COL6A1: variants seen among roughly 807,000 people sequenced by gnomAD.
COL6A1 encodes collagen alpha-1(VI) chain.
COL6A1 carries 80 observed loss-of-function variants against 145.6 expected under a neutral mutation model. The observed-to-expected ratio is 0.55, with a 90% CI of 0.46 to 0.66. The LOEUF (loss-of-function observed/expected upper bound fraction) is 0.66, where lower values mean the gene tolerates loss of function less well. COL6A1 is among the 30% of genes least tolerant of loss of function. The pLI, the probability that COL6A1 is intolerant of heterozygous loss-of-function variation, is 0.00. For synonymous variants in COL6A1, 638 were observed against 622.8 expected, an observed-to-expected ratio of 1.02 and a Z score of -0.36; for missense variants, 1,364 against 1,473.8, an observed-to-expected ratio of 0.93 and a Z score of 1.22.
chr21:45,989,418 C>A (rs1291387115), intron 9 of COL6A1, among the ~76,000 whole-genome samples, 190 bp from the exon 10 acceptor site: 1 of 152,142 alleles, frequency 6.6e-6, no homozygotes, highest in Non-Finnish European at 1.5e-5. Flanking sequence ...CTCCTTGGCC[C>A]AAATCCTATC....
At chr21:46,003,223 G>A (rs985797194) in intron 34 of COL6A1, 74 bp downstream of exon 34, 7 of 1,609,612 alleles carry the variant, frequency 4.3e-6, no homozygotes, top group Middle Eastern at 1.7e-4. Context: ...AGAGGACGGG[G>A]CTCTGGGAGG....
chr21:45,982,732 A>G lies in COL6A1; in HGVS notation c.196A>G (p.Thr66Ala), dbSNP rs1030611160. The change falls in exon 2 of 35, where the codon ACC (threonine) becomes GCC (alanine). Residue 66 changes from threonine (T) to alanine (A), a missense_variant. By Grantham distance (58) the Thr-to-Ala change is moderately conservative (BLOSUM62 0). This residue lies in a region of COL6A1 where 414 missense variants were observed against 437.6 expected (regional missense o/e 0.95). Transcript: ENST00000361866. ...CCTCGTGGACAAAGTCAAGTCCTTC[A>G]CCAAGCGCTTCATCGACAACCTGAG... ...GALVDKVKSF[T>A]KRFIDNLRDR... 1.9e-6 allele frequency: 3 copies of G among 1,612,490 alleles called. No homozygotes were observed. In the African/African-American group the frequency reaches 4.0e-5, roughly 22 times the overall value.
chr21:45,997,610 T>A (rs2077813144), intron 21 of COL6A1, 90 bp from the exon 22 acceptor site: 2 of 1,542,082 alleles, frequency 1.3e-6, no homozygotes, highest in Admixed American at 3.7e-5. Flanking sequence ...TGGCTCCCGA[T>A]GGGACCTCTC....
chr21:45,983,353 G>C (rs1156773695), intron 2 of COL6A1, among the ~76,000 whole-genome samples: 1 of 151,968 alleles, frequency 6.6e-6, no homozygotes, highest in Non-Finnish European at 1.5e-5. Flanking sequence ...GGACAGACCG[G>C]GGGGAGAGGG....
intron 15 of COL6A1, 25 bp downstream of exon 15, chr21:45,991,066 G>A (rs767699154): frequency 4.3e-6 from 7 of 1,611,376 alleles, no homozygotes; most frequent in Non-Finnish European, 5.9e-6. Flanking sequence ...GCCCCTGGAG[G>A]ACCAGGGCCT....
chr21:46,000,783 T>G lies in COL6A1; in HGVS notation c.1822+16T>G, dbSNP rs1245550901. The stretch of plus-strand genomic sequence containing the variant: ...GCTTGCTGTGGTGAGACCCAGGCTC[T>G]AGCTCCTGAGAGAATGGATCCCGGG... On this transcript the variant is annotated intron_variant, in intron 29 of 34. Coordinates refer to ENST00000361866, the MANE Select transcript of COL6A1 (RefSeq NM_001848.3). The G allele has an allele frequency of 1.9e-6, 3 of 1,613,734 alleles. No homozygotes were observed. The highest frequency in any genetic ancestry group is 2.5e-6 in the Non-Finnish European group (3 of 1,179,898).
chr21:46,001,540 G>A (rs888125764), intron 30 of COL6A1, among the ~76,000 whole-genome samples, 154 bp downstream of exon 30: 6 of 152,214 alleles, frequency 3.9e-5, no homozygotes, highest in Non-Finnish European at 8.8e-5. Context: ...GCGCCAGCCC[G>A]TCCAGGCCTC....
At chr21:45,993,797 C>T (rs2077789811) in intron 19 of COL6A1, among the ~76,000 whole-genome samples, 1 of 152,212 alleles carries the variant, frequency 6.6e-6, no homozygotes, top group Non-Finnish European at 1.5e-5. Context: ...AGACTGACAG[C>T]CAGGCAGAGC....
intron 15 of COL6A1, among the ~76,000 whole-genome samples, chr21:45,991,273 G>C (rs1375138565): frequency 2.0e-5 from 3 of 152,228 alleles, no homozygotes; most frequent in African/African-American, 4.8e-5. Flanking sequence ...CAGCCCGAGG[G>C]CCTTCAGGCC....
intron 26 of COL6A1, 146 bp from the exon 27 acceptor site, chr21:45,999,511 A>G: frequency 1.1e-6 from 1 of 921,014 alleles, no homozygotes; most frequent in Non-Finnish European, 1.7e-6. Flanking sequence ...CAGCACCGTC[A>G]CTGGAGGACG....
chr21:45,985,462 G>C (rs549756036), intron 3 of COL6A1, among the ~76,000 whole-genome samples: 1 of 152,312 alleles, frequency 6.6e-6, no homozygotes, highest in Non-Finnish European at 1.5e-5. Flanking sequence ...GAGAGAGACG[G>C]GGTGGTTTTC....
chr21:45,996,411 G>T (rs114469764), intron 20 of COL6A1, among the ~76,000 whole-genome samples: 1 of 152,226 alleles, frequency 6.6e-6, no homozygotes, highest in Non-Finnish European at 1.5e-5. Context: ...TTGCACAGTC[G>T]GGGTAGAGAG....
intron 22 of COL6A1, 61 bp from the exon 23 acceptor site, chr21:45,998,060 C>T (rs1244338991): frequency 4.4e-6 from 7 of 1,586,638 alleles, no homozygotes; most frequent in East Asian, 2.3e-5. Flanking sequence ...GGGCCTGTGC[C>T]AGCCAGTGGG....
In COL6A1 at chr21:45,981,820, C is replaced by G. The variant is rs765690991; in HGVS notation, c.-31C>G. 2.6e-6 allele frequency: 4 copies of G among 1,537,252 alleles called. No individual in the cohort carries two copies. The Admixed American group carries it at 7.7e-5, about 30-fold the overall frequency. On this transcript the variant is annotated 5_prime_UTR_variant, in exon 1 of 35. Coordinates refer to ENST00000361866, the MANE Select transcript of COL6A1 (RefSeq NM_001848.3). ...GCGGCGGCGGCCCACTCTGCCCTGGCCGCGCTGTGTGGTGACCGCAGGCCC... is the reference window on the plus strand; with the variant it reads ...GCGGCGGCGGCCCACTCTGCCCTGGGCGCGCTGTGTGGTGACCGCAGGCCC...
rs1400853450 is a variant in COL6A1 at position 45,984,469 on chromosome 21, G to A, written c.428G>A (p.Gly143Glu). Reference protein sequence around the residue: ...IKKGLEQLLVGGSHLKENKYL... With the variant: ...IKKGLEQLLVEGSHLKENKYL... ...AAGGGGCTGGAGCAGCTCCTCGTGG[G>A]GTGAGTGGCCCCCAGCCTCCTGCCC... The change falls in exon 3 of 35, where the codon GGG (glycine) becomes GAG (glutamate). Residue 143 changes from glycine to glutamate, a missense_variant and splice_region_variant. Physicochemically the swap from Gly to Glu is moderately conservative, Grantham distance 98. Coordinates refer to ENST00000361866, the MANE Select transcript of COL6A1 (RefSeq NM_001848.3). 5 of 1,609,142 alleles carry A rather than the reference G, an allele frequency of 3.1e-6. No homozygotes were observed. The highest frequency in any genetic ancestry group is 4.2e-6 in the Non-Finnish European group (5 of 1,179,822).
intron 1 of COL6A1, among the ~76,000 whole-genome samples, 157 bp downstream of exon 1, chr21:45,982,104 T>C (rs1056034463): frequency 2.0e-5 from 3 of 152,116 alleles, no homozygotes; most frequent in Admixed American, 2.0e-4. Flanking sequence ...AGCGCCCAGC[T>C]CTGCCCCACC....
Position 45,992,619 on chromosome 21 carries a change from G to A in COL6A1, c.1273-129G>A, listed in dbSNP as rs948598719. 12 of 1,066,370 alleles carry A rather than the reference G, an allele frequency of 1.1e-5. No homozygotes were observed. The African/African-American group carries it at 1.4e-4, about 13-fold the overall frequency. 66.1% of individuals were successfully genotyped at this position (1,066,370 alleles called of 1,614,324 possible). Reference sequence around the variant, plus strand: ...TCCGGCCTCTGCAACCGTGGGGCATGCGGTGGAGGGGTGGCCCCTCCCAGG... The same window carrying A: ...TCCGGCCTCTGCAACCGTGGGGCATACGGTGGAGGGGTGGCCCCTCCCAGG... On this transcript the variant is annotated intron_variant, in intron 18 of 34. Transcript: ENST00000361866.
chr21:45,983,391 G>T (rs187872060), intron 2 of COL6A1, among the ~76,000 whole-genome samples: 1 of 150,184 alleles, frequency 6.7e-6, no homozygotes, highest in East Asian at 2.0e-4. Flanking sequence ...GCACAGGGCC[G>T]CTGAGGGGGG....
chr21:45,995,906 G>A (rs1280231086), intron 20 of COL6A1, among the ~76,000 whole-genome samples: 1 of 149,304 alleles, frequency 6.7e-6, no homozygotes, highest in African/African-American at 2.5e-5. Flanking sequence ...TGTCCATCGG[G>A]ACGTTGGGCT....
Sources: allele counts gnomAD v4.1 joint callset (sites outside exome capture counted in the v4.1 genomes callset), GRCh38; gene constraint gnomAD v4.1.1; regional missense constraint gnomAD v4.1.1; transcripts MANE v1.5; gene names NCBI Gene and HGNC (gene_info 2026-07-23, HGNC 2026-07-21).